KPNA3: variants seen among roughly 807,000 people sequenced by gnomAD.
KPNA3 encodes karyopherin subunit alpha 3, also known as importin subunit alpha-4.
A neutral mutation model predicts 73.8 loss-of-function variants in KPNA3; 13 were observed. That is an observed-to-expected ratio of 0.18 (90% CI 0.11 to 0.28). KPNA3 has a LOEUF of 0.28. Among genes scored for constraint, KPNA3 ranks in the 10% least tolerant of loss-of-function variants. The pLI, the probability that KPNA3 is intolerant of heterozygous loss-of-function variation, is 1.00. For synonymous variants in KPNA3, 186 were observed against 206.9 expected, an observed-to-expected ratio of 0.90 and a Z score of 0.87; for missense variants, 360 against 618.1, an observed-to-expected ratio of 0.58 and a Z score of 4.43.
intron 2 of KPNA3, among the ~76,000 whole-genome samples, chr13:49,736,582 G>T (rs1039028555): frequency 5.3e-5 from 8 of 152,042 alleles, no homozygotes; most frequent in Admixed American, 5.2e-4. Context: ...CTTTGCCCAG[G>T]TTACCCCAAA....
intron 1 of KPNA3, among the ~76,000 whole-genome samples, chr13:49,784,800 T>C (rs1954968743): frequency 6.6e-6 from 1 of 152,190 alleles, no homozygotes; most frequent in Non-Finnish European, 1.5e-5. Context: ...TTTTAGTGCT[T>C]GCTTGGTTCT....
At chr13:49,748,856 G>A (rs945509058) in intron 1 of KPNA3, among the ~76,000 whole-genome samples, 3 of 151,958 alleles carry the variant, frequency 2.0e-5, no homozygotes, top group African/African-American at 4.8e-5. Context: ...AATGTCTTAC[G>A]CATAAGTTCA....
At chr13:49,744,464 AATAG>A (rs1238410919) in intron 2 of KPNA3, among the ~76,000 whole-genome samples, 1 of 152,244 alleles carries the variant, frequency 6.6e-6, no homozygotes, top group Non-Finnish European at 1.5e-5. Flanking sequence ...ATTGATGATT[AATAG>A]ATAATAGACA....
intron 1 of KPNA3, among the ~76,000 whole-genome samples, chr13:49,771,119 CAAAA>C (rs34079476): frequency 1.7e-5 from 2 of 120,768 alleles, no homozygotes; most frequent in Admixed American, 1.6e-4. Context: ...GTTGATATTT[CAAAA>C]AAAAAAAAAA....
rs139295761 is a variant in KPNA3, at chr13:49,761,269, C to T, written c.70-14276G>A. On this transcript the variant is annotated intron_variant, in intron 1 of 16. Coordinates refer to ENST00000261667, the MANE Select transcript of KPNA3 (RefSeq NM_002267.4). Reference sequence around the variant, plus strand: ...CACAGTCTCCCTCTCCCTCTCCCCACGGTCTCCCTCTAATGGCGAGCCGAA... The same window carrying T: ...CACAGTCTCCCTCTCCCTCTCCCCATGGTCTCCCTCTAATGGCGAGCCGAA... 6.6e-5 allele frequency among the ~76,000 whole-genome samples: 10 copies of T among 152,244 alleles called. No individual in the cohort carries two copies. In the East Asian group the frequency reaches 1.5e-3, roughly 24 times the overall value.
rs994539919 is a variant in KPNA3, at chr13:49,699,490, G to A, written c.*2310C>T. 6.6e-6 allele frequency: 1 copy of A among 152,504 alleles called. No homozygotes were observed. Among genetic ancestry groups the A allele is most frequent in the African/African-American group, 2.4e-5 (1 of 41,420 alleles). 9.4% of individuals were successfully genotyped at this position (152,504 alleles called of 1,614,324 possible). On this transcript the variant is annotated 3_prime_UTR_variant, in exon 17 of 17. Transcript: ENST00000261667. ...TAAACACTGTTTTGAAAACTTAAAA[G>A]TGCAGCAATATACTTAGTTTCCTTT... is the stretch of plus-strand genomic sequence containing the variant.
chr13:49,702,678 T>G (rs1954158895), intron 15 of KPNA3, among the ~76,000 whole-genome samples, 198 bp from the exon 16 acceptor site: 2 of 152,084 alleles, frequency 1.3e-5, no homozygotes, highest in South Asian at 4.1e-4. Flanking sequence ...ACTAATTTTT[T>G]CCTTCTTAGA....
In KPNA3 at chr13:49,767,224, C is replaced by A. The variant is rs527546790; in HGVS notation, c.70-20231G>T. Reference sequence around the variant, plus strand: ...TTGAGGTCAGGAGTTCGAGACCAGCCTGGCCAACATGGTGAAACCCCGTCT... The same window carrying A: ...TTGAGGTCAGGAGTTCGAGACCAGCATGGCCAACATGGTGAAACCCCGTCT... On this transcript the variant is annotated intron_variant, in intron 1 of 16. Coordinates refer to ENST00000261667, the MANE Select transcript of KPNA3 (RefSeq NM_002267.4). Among the ~76,000 whole-genome samples the A allele has an allele frequency of 6.6e-5, 10 of 151,814 alleles. No homozygotes were observed. In the East Asian group the frequency reaches 1.9e-3, roughly 29 times the overall value.
At chr13:49,731,253 T>TG (rs1253994185) in intron 6 of KPNA3, among the ~76,000 whole-genome samples, 1 of 144,252 alleles carries the variant, frequency 6.9e-6, no homozygotes, top group Non-Finnish European at 1.5e-5. Context: ...TTTCGTGTTT[T>TG]TTTTTTTTTT....
intron 10 of KPNA3, among the ~76,000 whole-genome samples, chr13:49,717,466 ACT>A (rs1008084486): frequency 1.3e-5 from 2 of 151,198 alleles, no homozygotes; most frequent in African/African-American, 2.4e-5. Flanking sequence ...AGAATCAAAG[ACT>A]CTGCAAATTA....
At chr13:49,712,833 T>G (rs572882581) in intron 10 of KPNA3, among the ~76,000 whole-genome samples, 1 of 151,260 alleles carries the variant, frequency 6.6e-6, no homozygotes, top group Admixed American at 6.6e-5. Flanking sequence ...AAATACAAAC[T>G]TCCCCAAATA....
chr13:49,758,225 T>C (rs1215807799), intron 1 of KPNA3, among the ~76,000 whole-genome samples: 3 of 152,120 alleles, frequency 2.0e-5, no homozygotes, highest in African/African-American at 4.8e-5. Flanking sequence ...CATAAATATA[T>C]AGGTGATGAC....
At chr13:49,737,178 T>A (rs995768986) in intron 2 of KPNA3, among the ~76,000 whole-genome samples, 2 of 151,822 alleles carry the variant, frequency 1.3e-5, no homozygotes, top group African/African-American at 4.8e-5. Context: ...ATGTACAGAT[T>A]TCATATGAAT....
chr13:49,718,002 T>C (rs919695774), intron 10 of KPNA3, among the ~76,000 whole-genome samples: 4 of 152,198 alleles, frequency 2.6e-5, no homozygotes, highest in African/African-American at 9.6e-5. Flanking sequence ...ATTTTTTTTT[T>C]CACTGTGAGC....
intron 1 of KPNA3, among the ~76,000 whole-genome samples, chr13:49,757,239 G>T (rs1189165372): frequency 2.1e-5 from 3 of 144,286 alleles, no homozygotes; most frequent in Non-Finnish European, 4.5e-5. Context: ...ATGTAAAGAA[G>T]ATAAAAAGAG....
intron 7 of KPNA3, among the ~76,000 whole-genome samples, chr13:49,724,737 T>C (rs943894781): frequency 1.3e-5 from 2 of 152,074 alleles, no homozygotes; most frequent in Non-Finnish European, 2.9e-5. Context: ...GGTGCGACTA[T>C]AGGCATGCGC....
chr13:49,752,568 C>T (rs1040759496), intron 1 of KPNA3, among the ~76,000 whole-genome samples: 4 of 151,722 alleles, frequency 2.6e-5, no homozygotes, highest in African/African-American at 9.7e-5. Flanking sequence ...ATTAGAAAAA[C>T]TCAGAAATGA....
At chr13:49,787,668 G>A (rs899086640) in intron 1 of KPNA3, among the ~76,000 whole-genome samples, 2 of 147,930 alleles carry the variant, frequency 1.4e-5, no homozygotes, top group African/African-American at 5.0e-5. Context: ...CACCAGGACC[G>A]GCTAATTTTT....
intron 1 of KPNA3, among the ~76,000 whole-genome samples, chr13:49,790,128 C>T (rs1955020439): frequency 6.6e-6 from 1 of 152,110 alleles, no homozygotes; most frequent in Admixed American, 6.5e-5. Context: ...TACCCATATC[C>T]ACTGAGTGAC....
Sources: allele counts gnomAD v4.1 joint callset (sites outside exome capture counted in the v4.1 genomes callset), GRCh38; gene constraint gnomAD v4.1.1; transcripts MANE v1.5; gene names NCBI Gene and HGNC (gene_info 2026-07-23, HGNC 2026-07-21).